NLRC3: variants seen among roughly 807,000 people sequenced by gnomAD.
NLRC3 encodes NLR family CARD domain-containing protein 3.
In NLRC3, 87 loss-of-function variants were observed where a neutral mutation model predicts 91.6. That is an observed-to-expected ratio of 0.95 (90% confidence interval 0.80 to 1.14). The LOEUF is 1.14. NLRC3 is among the 50% of genes most tolerant of loss of function. The probability of loss-of-function intolerance (pLI) is 0.00; values close to 1 mark genes in which losing one functional copy is unlikely to be tolerated. For missense variants in NLRC3, 1,577 were observed against 1,418.6 expected (o/e 1.11, Z -1.79); for synonymous variants, 694 against 625.3 (o/e 1.11, Z -1.64).
intron 15 of NLRC3, chr16:3,544,984 ACG>A (rs1248860344): frequency 6.6e-6 from 1 of 152,488 alleles, no homozygotes; most frequent in African/African-American, 2.4e-5. Flanking sequence ...AGGAGCCACC[ACG>A]CCCAACCTCC....
chr16:3,542,835 C>A, intron 17 of NLRC3, 60 bp from the exon 18 acceptor site: 1 of 1,210,208 alleles, frequency 8.3e-7, no homozygotes, highest in Admixed American at 2.0e-5. Context: ...ATACTGACCC[C>A]TCTGCGGGTG....
intron 7 of NLRC3, 34 bp downstream of exon 7, chr16:3,557,559 T>A: frequency 3.5e-6 from 5 of 1,413,518 alleles, no homozygotes; most frequent in Non-Finnish European, 5.0e-6. Context: ...CTGGTTCCAA[T>A]GGCAAAAGTT....
chr16:3,542,547 G>A, intron 18 of NLRC3, 145 bp downstream of exon 18: 1 of 635,066 alleles, frequency 1.6e-6, no homozygotes, highest in Non-Finnish European at 2.8e-6. Context: ...CAGCTGCAGT[G>A]GAATGTGGAC....
chr16:3,541,707 G>C lies in NLRC3; in HGVS notation c.*118C>G. ...CTCTCCTTCCTCCCTGCAGAGCCCGGCTCTCGTGCTGAGCAAGCAGCGTTC... is the reference window on the plus strand; with the variant it reads ...CTCTCCTTCCTCCCTGCAGAGCCCGCCTCTCGTGCTGAGCAAGCAGCGTTC... On this transcript the variant is annotated 3_prime_UTR_variant, in exon 20 of 20. Coordinates refer to ENST00000359128, the MANE Select transcript of NLRC3 (RefSeq NM_178844.4). 1 of 694,366 alleles carries C rather than the reference G, an allele frequency of 1.4e-6. No homozygotes were observed. Among genetic ancestry groups the C allele is most frequent in the East Asian group, 2.7e-5 (1 of 36,970 alleles). The allele number at this position is 694,366 out of a possible 1,614,324, so 43.0% of individuals were successfully genotyped here. A position where few individuals can be genotyped will look rare whatever the true frequency, so the allele number is the denominator to read the frequency against.
At chr16:3,546,349 G>A (rs1448867210) in intron 15 of NLRC3, among the ~76,000 whole-genome samples, 1 of 151,664 alleles carries the variant, frequency 6.6e-6, no homozygotes, top group Admixed American at 6.6e-5. Flanking sequence ...TAAAGGTCAG[G>A]AGTTCGAGAC....
intron 3 of NLRC3, 61 bp from the exon 4 acceptor site, chr16:3,565,121 G>C (rs1023815872): frequency 2.3e-6 from 3 of 1,309,402 alleles, no homozygotes; most frequent in Middle Eastern, 1.9e-4. Flanking sequence ...GCCTGGGACA[G>C]GTGAGCAAGT....
rs149461440 is a variant in NLRC3, at chr16:3,548,541, C to A, written c.2687+129G>T. On this transcript the variant is annotated intron_variant, in intron 14 of 19. Transcript: ENST00000359128. Reference sequence around the variant, plus strand: ...CACAGTCTGCTGGCAGCAGGCTAGCCCGGGCAGCCCCTGAGACCTTTGCAG... The same window carrying A: ...CACAGTCTGCTGGCAGCAGGCTAGCACGGGCAGCCCCTGAGACCTTTGCAG... 819 of 695,448 alleles carry A rather than the reference C, an allele frequency of 1.2e-3. 5 individuals are homozygous for A. Among genetic ancestry groups the A allele is most frequent in the South Asian group, 2.2e-3 (119 of 54,780 alleles). The allele number at this position is 695,448 out of a possible 1,614,324, so 43.1% of individuals were successfully genotyped here.
At chr16:3,566,027 A>G (rs1484888245) in intron 2 of NLRC3, among the ~76,000 whole-genome samples, 1 of 151,058 alleles carries the variant, frequency 6.6e-6, no homozygotes, top group Non-Finnish European at 1.5e-5. Flanking sequence ...GTGACAGAGC[A>G]AGACCCCATC....
Position 3,563,164 on chromosome 16 carries a change from G to A in NLRC3, c.1773C>T (p.Ala591=). 6.3e-7 allele frequency: 1 copy of A among 1,591,400 alleles called. No homozygotes were observed. Among genetic ancestry groups the A allele is most frequent in the South Asian group, 1.1e-5 (1 of 87,930 alleles). ...RSVEEAMESG[A]LARLTGPAHR... ...GCGCGGGACCAGTCAGCCTGGCCAG[G>A]GCCCCGCTCTCCATGGCCTCCTCCA... The change falls in exon 5 of 20, where the codon GCC becomes GCT. Residue 591 remains alanine (A), a synonymous_variant. Transcript: ENST00000359128.
intron 8 of NLRC3, among the ~76,000 whole-genome samples, chr16:3,556,446 C>G (rs1309169931): frequency 6.7e-6 from 1 of 150,118 alleles, no homozygotes; most frequent in Non-Finnish European, 1.5e-5. Context: ...TGGAAACTTG[C>G]GTAGGGCATA....
At position 3,563,549 on chromosome 16, in the gene NLRC3, G is replaced by A. The variant is rs781190994; in HGVS notation, c.1388C>T (p.Ala463Val). 6.2e-7 allele frequency: 1 copy of A among 1,610,960 alleles called. No individual in the cohort carries two copies. Among genetic ancestry groups the A allele is most frequent in the Non-Finnish European group, 8.5e-7 (1 of 1,178,882 alleles). The change falls in exon 5 of 20, where the codon GCA becomes GTA. Residue 463 changes from alanine to valine, a missense_variant. Ala to Val is a moderately conservative substitution (Grantham distance 64). Transcript: ENST00000359128. ...FTHLSLQEFV[A>V]AAYYYGASRR... ...GGATGCGCCATAGTAATACGCGGCT[G>A]CCACAAACTCCTGCAGGGACAGGTG...
At chr16:3,569,397 A>ATTATTT (rs2040014294) in intron 1 of NLRC3, among the ~76,000 whole-genome samples, 3 of 41,060 alleles carry the variant, frequency 7.3e-5, no homozygotes, top group African/African-American at 2.5e-4. Context: ...TATATATATT[A>ATTATTT]TTTTTTTTTT....
chr16:3,549,106 G>A (rs1396940849), intron 13 of NLRC3, 36 bp downstream of exon 13: 1 of 1,462,570 alleles, frequency 6.8e-7, no homozygotes, highest in African/African-American at 1.4e-5. Context: ...GTCATGGCAT[G>A]AACAGCCTGT....
chr16:3,564,861 T>C lies in NLRC3; in HGVS notation c.176A>G (p.Asn59Ser). The change falls in exon 4 of 20, where the codon AAT becomes AGT. Residue 59 changes from asparagine to serine, a missense_variant and splice_region_variant. Physicochemically the swap from Asn to Ser is conservative, Grantham distance 46. Transcript: ENST00000359128. This position sits in a 1 kb window ranked among gnomAD's most constrained non-coding sequence, Gnocchi z 5.9. ...TPDAPLGPCS[N>S]DSRIQRHRKA... is the part of the protein sequence containing the mutation. ...TCTGCCTCCCAAGCCGGTCCTACCATTGCTGCAGGGCCCCAGCGGGGCATC... is the reference window on the plus strand; with the variant it reads ...TCTGCCTCCCAAGCCGGTCCTACCACTGCTGCAGGGCCCCAGCGGGGCATC... 1.2e-6 allele frequency: 2 copies of C among 1,603,612 alleles called. No individual in the cohort carries two copies. The highest frequency in any genetic ancestry group is 1.7e-6 in the Non-Finnish European group (2 of 1,176,008).
chr16:3,551,746 T>TCCTTTCAC (rs1555440792), intron 10 of NLRC3, among the ~76,000 whole-genome samples: 2 of 22,498 alleles, frequency 8.9e-5, no homozygotes, highest in Non-Finnish European at 1.5e-4. Context: ...CATCCATCCA[T>TCCTTTCAC]CCATTCACCA....
chr16:3,548,955 C>A (rs577168058), intron 13 of NLRC3, among the ~76,000 whole-genome samples, 187 bp downstream of exon 13: 2 of 152,348 alleles, frequency 1.3e-5, no homozygotes, highest in East Asian at 3.9e-4. Flanking sequence ...ACTAGCCTCA[C>A]CCTCGTGCAG....
chr16:3,542,554 G>A, intron 18 of NLRC3, 138 bp downstream of exon 18: 2 of 640,210 alleles, frequency 3.1e-6, no homozygotes, highest in East Asian at 5.5e-5. Context: ...AGTGGAATGT[G>A]GACTATAATA....
chr16:3,564,907 G>A lies in NLRC3; in HGVS notation c.130C>T (p.Gln44Ter), dbSNP rs769606039. 1.1e-5 allele frequency: 17 copies of A among 1,609,932 alleles called. No homozygotes were observed. The highest frequency in any genetic ancestry group is 1.0e-5 in the Non-Finnish European group (12 of 1,179,692). ...GKGSQGSQAP[Q>*]ALDRTPDAPL... ...GCATCCGGTGTCCTATCCAGGGCCT[G>A]CGGGGCCTGGGAGCCTTGACTGCCC... Residue 44 changes from glutamine (Q) to a stop codon, truncating the protein, a stop_gained, in exon 4 of 20, where the codon CAG becomes TAG. Coordinates refer to ENST00000359128, the MANE Select transcript of NLRC3 (RefSeq NM_178844.4). LOFTEE classifies it high-confidence loss of function. This position sits in a 1 kb window ranked among gnomAD's most constrained non-coding sequence, Gnocchi z 5.9.
chr16:3,576,141 G>C (rs866462215), intron 1 of NLRC3, among the ~76,000 whole-genome samples: 1 of 152,306 alleles, frequency 6.6e-6, no homozygotes, highest in African/African-American at 2.4e-5. Context: ...ATGGCCAACA[G>C]TGAGCCCCAG....
Sources: allele counts gnomAD v4.1 joint callset (sites outside exome capture counted in the v4.1 genomes callset), GRCh38; gene constraint gnomAD v4.1.1; non-coding constraint Gnocchi (gnomAD v3.1); transcripts MANE v1.5; gene names NCBI Gene and HGNC (gene_info 2026-07-23, HGNC 2026-07-21).